PKD2: variants seen among roughly 807,000 people sequenced by gnomAD.
PKD2 encodes polycystin 2, transient receptor potential cation channel, also known as polycystin-2.
In PKD2, 48 loss-of-function variants were observed where a neutral mutation model predicts 105.9. The ratio of observed to expected loss-of-function variants is 0.45; its 90% CI spans 0.36 to 0.58. PKD2 has a LOEUF of 0.58. PKD2 is among the 20% of genes least tolerant of loss of function. The pLI, the probability that PKD2 is intolerant of heterozygous loss-of-function variation, is 0.00. For missense variants in PKD2, 1,078 were observed against 1,255.3 expected, an observed-to-expected ratio of 0.86 and a Z score of 2.13; for synonymous variants, 464 against 481.1, an observed-to-expected ratio of 0.96 and a Z score of 0.46.
At chr4:88,068,130 C>G (rs1720865816) in intron 13 of PKD2, 69 bp downstream of exon 13, 1 of 1,212,642 alleles carries the variant, frequency 8.2e-7, no homozygotes, top group Admixed American at 1.7e-5. Context: ...GTTCCCTCAT[C>G]TCTCTGAATT....
At chr4:88,056,320 C>T in intron 8 of PKD2, 53 bp downstream of exon 8, 1 of 1,106,024 alleles carries the variant, frequency 9.0e-7, no homozygotes, top group Non-Finnish European at 1.3e-6. Context: ...GTCACTGCTT[C>T]TCAAGAATAA....
chr4:88,025,128 A>C (rs1726908526), intron 2 of PKD2, among the ~76,000 whole-genome samples: 1 of 151,698 alleles, frequency 6.6e-6, no homozygotes. Context: ...CGACAGAACG[A>C]GACTCTGTCT....
At chr4:88,038,177 T>C in intron 3 of PKD2, 74 bp from the exon 4 acceptor site, 1 of 1,499,342 alleles carries the variant, frequency 6.7e-7, no homozygotes, top group South Asian at 1.1e-5. Context: ...TGCTTGGTTA[T>C]GCAAACGATG....
At chr4:88,012,234 ACT>A (rs1301531023) in intron 1 of PKD2, among the ~76,000 whole-genome samples, 2 of 152,084 alleles carry the variant, frequency 1.3e-5, no homozygotes, top group Non-Finnish European at 2.9e-5. Flanking sequence ...TGAAGAAAGA[ACT>A]CTCATCCGTC....
At chr4:88,075,055 G>T in intron 14 of PKD2, 96 bp downstream of exon 14, 1 of 1,372,856 alleles carries the variant, frequency 7.3e-7, no homozygotes, top group Non-Finnish European at 1.0e-6. Context: ...TTGAAGAAGA[G>T]TAAAAAAAAT....
At chr4:88,053,483 C>G (rs1043136186) in intron 7 of PKD2, among the ~76,000 whole-genome samples, 1 of 151,872 alleles carries the variant, frequency 6.6e-6, no homozygotes, top group African/African-American at 2.4e-5. Context: ...ATGGCAAAAC[C>G]TCATCTCTAC....
chr4:88,056,303 CAG>C, intron 8 of PKD2, 36 bp downstream of exon 8: 1 of 1,324,648 alleles, frequency 7.5e-7, no homozygotes, highest in East Asian at 2.4e-5. Context: ...AAAATTTAAT[CAG>C]AGTTGTCACT....
At chr4:88,030,845 C>T (rs974208616) in intron 2 of PKD2, among the ~76,000 whole-genome samples, 3 of 152,210 alleles carry the variant, frequency 2.0e-5, no homozygotes, top group Admixed American at 2.0e-4. Flanking sequence ...TGGCCTGTTT[C>T]CATTTCTTGT....
chr4:88,024,229 G>A (rs1484153271), intron 2 of PKD2, among the ~76,000 whole-genome samples: 1 of 152,030 alleles, frequency 6.6e-6, no homozygotes, highest in Non-Finnish European at 1.5e-5. Context: ...GGCCGAGGCA[G>A]GCAGATCACT....
intron 7 of PKD2, among the ~76,000 whole-genome samples, chr4:88,055,388 G>A (rs1482675070): frequency 6.6e-6 from 1 of 151,980 alleles, no homozygotes; most frequent in Non-Finnish European, 1.5e-5. Context: ...TTTTTGGGGG[G>A]AAAGCATCAC....
intron 6 of PKD2, among the ~76,000 whole-genome samples, chr4:88,047,750 C>T (rs1016427569): frequency 3.3e-5 from 5 of 152,054 alleles, no homozygotes; most frequent in Non-Finnish European, 7.4e-5. Context: ...ATAATCCCTG[C>T]ACTTTAGGGA....
intron 13 of PKD2, among the ~76,000 whole-genome samples, chr4:88,070,451 C>T (rs548706550): frequency 1.2e-3 from 186 of 151,676 alleles, no homozygotes; most frequent in African/African-American, 4.3e-3. Flanking sequence ...TTTTTTCCCT[C>T]TCTGTTCCTC....
chr4:88,037,303 C>G (rs922420496), intron 3 of PKD2, among the ~76,000 whole-genome samples: 1 of 152,116 alleles, frequency 6.6e-6, no homozygotes. Flanking sequence ...AAGTTCAACC[C>G]AATCCAGCCC....
At chr4:88,051,081 A>G (rs943505395) in intron 6 of PKD2, among the ~76,000 whole-genome samples, 12 of 152,170 alleles carry the variant, frequency 7.9e-5, no homozygotes, top group Non-Finnish European at 1.5e-5. Context: ...CACTGTCTAC[A>G]TTTAGTGGTG....
chr4:88,034,042 T>C (rs773111878), intron 2 of PKD2, among the ~76,000 whole-genome samples: 8 of 152,214 alleles, frequency 5.3e-5, no homozygotes, highest in Admixed American at 3.9e-4. Context: ...TTCATCTTCA[T>C]GCCCAATACC....
chr4:88,038,373 G>T lies in PKD2; in HGVS notation c.966G>T (p.Arg322=), dbSNP rs138446087. The change falls in exon 4 of 15, where the codon CGG becomes CGT. Residue 322 remains arginine, a synonymous_variant. Transcript: ENST00000237596. Reference sequence around the variant, plus strand: ...TGCTGTTAGGGGTTCCACGAATACGGCAACTCCGAGTCAGAAATGGATCCT... The same window carrying T: ...TGCTGTTAGGGGTTCCACGAATACGTCAACTCCGAGTCAGAAATGGATCCT... ...ENLLLGVPRI[R]QLRVRNGSCS... is the part of the protein sequence containing the mutation. 3.7e-6 allele frequency: 6 copies of T among 1,613,910 alleles called. No individual in the cohort carries two copies. In the African/African-American group the frequency reaches 8.0e-5, roughly 22 times the overall value.
In PKD2 at chr4:88,063,704, T is replaced by C. The variant is rs577096939; in HGVS notation, c.2119-1670T>C. Among the ~76,000 whole-genome samples the C allele has an allele frequency of 6.6e-5, 10 of 152,016 alleles. No individual in the cohort carries two copies. The South Asian group carries it at 8.3e-4, about 13-fold the overall frequency. Reference sequence around the variant, plus strand: ...TGCGATCATTCAAGAGATCCAGATATGGAGCCAGAAGAACTTAGGGCAGGT... The same window carrying C: ...TGCGATCATTCAAGAGATCCAGATACGGAGCCAGAAGAACTTAGGGCAGGT... On this transcript the variant is annotated intron_variant, in intron 10 of 14. Transcript: ENST00000237596.
chr4:88,029,615 T>C (rs1727076244), intron 2 of PKD2, among the ~76,000 whole-genome samples: 1 of 152,346 alleles, frequency 6.6e-6, no homozygotes, highest in African/African-American at 2.4e-5. Flanking sequence ...CTCTTGTCCC[T>C]ATTTTAATCC....
At chr4:88,071,494 T>G (rs893843677) in intron 13 of PKD2, among the ~76,000 whole-genome samples, 16 of 148,314 alleles carry the variant, frequency 1.1e-4, no homozygotes, top group Admixed American at 4.7e-4. Context: ...TTCAGTTGTC[T>G]TTTTTTTTTT....
Sources: gnomAD v4.1 joint callset for allele counts (sites outside exome capture counted in the v4.1 genomes callset) on GRCh38, gnomAD v4.1.1 for gene constraint, MANE v1.5 for transcripts, NCBI Gene and HGNC (gene_info 2026-07-23, HGNC 2026-07-21) for gene names.